TMEM161B: variants seen among roughly 807,000 people sequenced by gnomAD.
TMEM161B encodes transmembrane protein 161B.
A neutral mutation model predicts 61.8 loss-of-function variants in TMEM161B; 34 were observed. The ratio of observed to expected loss-of-function variants is 0.55; its 90% CI spans 0.42 to 0.73. The LOEUF is 0.73. TMEM161B is among the 30% of genes least tolerant of loss of function. TMEM161B has a pLI of 0.00. For synonymous variants in TMEM161B, 167 were observed against 192.8 expected, an observed-to-expected ratio of 0.87 and a Z score of 1.11; for missense variants, 456 against 558.5, an observed-to-expected ratio of 0.82 and a Z score of 1.85.
intron 5 of TMEM161B, among the ~76,000 whole-genome samples, chr5:88,211,129 G>A (rs766135765): frequency 1.3e-5 from 2 of 151,772 alleles, no homozygotes; most frequent in East Asian, 1.9e-4. Flanking sequence ...CGAATAAGAT[G>A]TATTAGAGTA....
downstream of TMEM161B, among the ~76,000 whole-genome samples, chr5:88,194,246 T>C (rs1749283067): frequency 6.6e-6 from 1 of 152,190 alleles, no homozygotes; most frequent in Non-Finnish European, 1.5e-5. Flanking sequence ...CATCTGGTAT[T>C]TCATTTTCTG....
At chr5:88,249,328 T>A (rs765468668) in intron 1 of TMEM161B, among the ~76,000 whole-genome samples, 2 of 152,150 alleles carry the variant, frequency 1.3e-5, no homozygotes, top group African/African-American at 4.8e-5. Flanking sequence ...TGAGCTTCAG[T>A]GCTGGGCAGT....
rs182949047 is a variant in TMEM161B, at chr5:88,261,463, C to T, written c.3+7258G>A. Among the ~76,000 whole-genome samples, 17 of 149,920 alleles carry T rather than the reference C, an allele frequency of 1.1e-4. No individual in the cohort carries two copies. In the East Asian group the frequency reaches 3.3e-3, roughly 29 times the overall value. Reference sequence around the variant, plus strand: ...AGGTTAATTTGAAGAGGCAAAAGACCCAGAAGAGCCAACACAATACTGAAG... The same window carrying T: ...AGGTTAATTTGAAGAGGCAAAAGACTCAGAAGAGCCAACACAATACTGAAG... On this transcript the variant is annotated intron_variant, in intron 1 of 11. Coordinates refer to ENST00000296595, the MANE Select transcript of TMEM161B (RefSeq NM_153354.5).
chr5:88,233,743 C>T (rs879440184), intron 2 of TMEM161B, among the ~76,000 whole-genome samples: 18 of 151,932 alleles, frequency 1.2e-4, no homozygotes, highest in Admixed American at 8.5e-4. Flanking sequence ...ATGATGGTAC[C>T]TTTTCTGATA....
At chr5:88,209,727 A>G (rs1746312012) in intron 5 of TMEM161B, among the ~76,000 whole-genome samples, 1 of 152,198 alleles carries the variant, frequency 6.6e-6, no homozygotes, top group South Asian at 2.1e-4. Flanking sequence ...CGTATGTAAT[A>G]CTATGATCTG....
At chr5:88,221,402 G>A in intron 4 of TMEM161B, 1 of 192,136 alleles carries the variant, frequency 5.2e-6, no homozygotes, top group Non-Finnish European at 1.1e-5. Context: ...GGGAGGCCGA[G>A]GCAGGAGAAT....
downstream of TMEM161B, among the ~76,000 whole-genome samples, chr5:88,193,078 G>A (rs570823420): frequency 2.0e-5 from 3 of 152,010 alleles, no homozygotes; most frequent in East Asian, 1.9e-4. Flanking sequence ...GTCATTTTAC[G>A]CACATCAATT....
intron 8 of TMEM161B, 23 bp from the exon 9 acceptor site, chr5:88,203,098 T>C (rs1261750576): frequency 2.1e-6 from 3 of 1,452,644 alleles, no homozygotes; most frequent in Non-Finnish European, 2.9e-6. Flanking sequence ...AAGAAATAAA[T>C]ATAAAAATTC....
intron 1 of TMEM161B, among the ~76,000 whole-genome samples, chr5:88,268,302 C>T (rs1756677900): frequency 6.6e-6 from 1 of 152,064 alleles, no homozygotes; most frequent in Non-Finnish European, 1.5e-5. Flanking sequence ...CAAGGAGACC[C>T]GTTGTGTCCA....
At chr5:88,233,130 C>A (rs958458791) in intron 2 of TMEM161B, among the ~76,000 whole-genome samples, 2 of 152,166 alleles carry the variant, frequency 1.3e-5, no homozygotes, top group South Asian at 4.1e-4. Flanking sequence ...AGATACTCTG[C>A]TAGGCAGAGG....
intron 5 of TMEM161B, among the ~76,000 whole-genome samples, chr5:88,208,885 C>T (rs747097962): frequency 6.6e-6 from 1 of 152,064 alleles, no homozygotes; most frequent in African/African-American, 2.4e-5. Flanking sequence ...AACAGAACTG[C>T]CCTGACAGAA....
At chr5:88,249,581 T>A (rs1580689934) in intron 1 of TMEM161B, among the ~76,000 whole-genome samples, 1 of 152,096 alleles carries the variant, frequency 6.6e-6, no homozygotes. Context: ...TTTTACCATA[T>A]AAGCAAGAGG....
At position 88,254,860 on chromosome 5, in the gene TMEM161B, A is replaced by G. The variant is rs79092302; in HGVS notation, c.3+13861T>C. Among the ~76,000 whole-genome samples, 384 of 139,886 alleles carry G rather than the reference A, an allele frequency of 2.7e-3. 1 individual carries two copies. In the Middle Eastern group the frequency reaches 0.03, roughly 11 times the overall value. The allele number at this position is 139,886 out of a possible 152,430, so 91.8% of individuals were successfully genotyped here. A position where few individuals can be genotyped will look rare whatever the true frequency, so the allele number is the denominator to read the frequency against. ...GTAACTGTAAAAAAAATTTTAAGGG[A>G]AAAAAAAAAAAAAGATTGATCATCA... is the stretch of plus-strand genomic sequence containing the variant. On this transcript the variant is annotated intron_variant, in intron 1 of 11. Coordinates refer to ENST00000296595, the MANE Select transcript of TMEM161B (RefSeq NM_153354.5).
intron 2 of TMEM161B, among the ~76,000 whole-genome samples, chr5:88,235,591 A>G (rs1259588370): frequency 1.3e-5 from 2 of 152,162 alleles, no homozygotes; most frequent in African/African-American, 2.4e-5. Context: ...GCAGTCTGCA[A>G]CCTGAGAGAG....
At chr5:88,214,544 CTTT>C (rs1747461664) in intron 5 of TMEM161B, among the ~76,000 whole-genome samples, 1 of 152,042 alleles carries the variant, frequency 6.6e-6, no homozygotes. Context: ...ACATTTTTAC[CTTT>C]TTACTTTTCA....
chr5:88,235,282 C>T (rs976018533), intron 2 of TMEM161B, among the ~76,000 whole-genome samples: 2 of 152,090 alleles, frequency 1.3e-5, no homozygotes, highest in Non-Finnish European at 2.9e-5. Flanking sequence ...TGAGCAAACA[C>T]AGAAAAGCAC....
chr5:88,243,447 C>A (rs1484368145), intron 1 of TMEM161B, among the ~76,000 whole-genome samples: 1 of 151,796 alleles, frequency 6.6e-6, no homozygotes, highest in Non-Finnish European at 1.5e-5. Context: ...GGATAGTATT[C>A]CATGGTATAT....
At chr5:88,267,660 G>A (rs946242097) in intron 1 of TMEM161B, among the ~76,000 whole-genome samples, 2 of 152,052 alleles carry the variant, frequency 1.3e-5, no homozygotes, top group South Asian at 2.1e-4. Flanking sequence ...CCTTGCCCCC[G>A]TTTGTGTTCT....
chr5:88,248,725 A>G (rs927066291), intron 1 of TMEM161B, among the ~76,000 whole-genome samples: 28 of 152,054 alleles, frequency 1.8e-4, no homozygotes, highest in African/African-American at 6.7e-4. Flanking sequence ...AAAAAAAAAA[A>G]AAAAAACAAC....
Sources: gnomAD v4.1 joint callset for allele counts (sites outside exome capture counted in the v4.1 genomes callset) on GRCh38, gnomAD v4.1.1 for gene constraint, MANE v1.5 for transcripts, NCBI Gene and HGNC (gene_info 2026-07-23, HGNC 2026-07-21) for gene names.